The following TCF7L2 variants were observed in gnomAD, a reference collection of about 807,000 sequenced individuals.
TCF7L2 encodes the protein transcription factor 7 like 2.
TCF7L2 carries 23 observed loss-of-function variants against 77.9 expected under a neutral mutation model. The ratio of observed to expected loss-of-function variants is 0.30; its 90% confidence interval spans 0.21 to 0.42. The LOEUF is 0.42. Ranked by LOEUF, TCF7L2 falls within the 10% of genes least tolerant of loss-of-function variation. The pLI, the probability that TCF7L2 is intolerant of heterozygous loss-of-function variation, is 1.00. For synonymous variants in TCF7L2, 413 were observed against 340.2 expected, an observed-to-expected ratio of 1.21 and a Z score of -2.36; for missense variants, 654 against 793.1, an observed-to-expected ratio of 0.82 and a Z score of 2.11.
At chr10:113,064,187 G>A (rs368719249) in intron 5 of TCF7L2, among the ~76,000 whole-genome samples, 12 of 152,268 alleles carry the variant, frequency 7.9e-5, no homozygotes, top group African/African-American at 2.9e-4. Flanking sequence ...CTTGCTTGAG[G>A]TGTTTATTCT....
chr10:113,089,884 T>G (rs2060194919), intron 5 of TCF7L2, among the ~76,000 whole-genome samples: 1 of 152,144 alleles, frequency 6.6e-6, no homozygotes, highest in South Asian at 2.1e-4. Flanking sequence ...CCAGGAAGTG[T>G]CTCTTGGGAC....
intron 4 of TCF7L2, among the ~76,000 whole-genome samples, chr10:112,993,832 G>A (rs1056624694): frequency 2.6e-5 from 4 of 152,068 alleles, no homozygotes; most frequent in Non-Finnish European, 4.4e-5. Flanking sequence ...CAAGGCGGGC[G>A]GATCTTGAGG....
intron 5 of TCF7L2, among the ~76,000 whole-genome samples, chr10:113,095,283 G>A (rs891894365): frequency 2.6e-5 from 4 of 152,086 alleles, no homozygotes; most frequent in Non-Finnish European, 5.9e-5. Context: ...GTATAGCCCC[G>A]GATTGTTCTG....
rs751145838 is a variant in TCF7L2 at position 113,112,215 on chromosome 10, T to C, written c.553-28969T>C. Among the ~76,000 whole-genome samples the C allele has an allele frequency of 5.8e-4, 89 of 152,236 alleles. 1 individual carries two copies. The highest frequency in any genetic ancestry group is 4.3e-3 in the Admixed American group (65 of 15,282). ...ATGACATAATTCAATTTTACTTTAT[T>C]ATTCACTGGATGTGCCCATTGTATG... On this transcript the variant is annotated intron_variant, in intron 5 of 13. Coordinates refer to ENST00000627217, the MANE Select transcript of TCF7L2 (RefSeq NM_001146274.2).
chr10:113,141,072 A>T (rs913559650), intron 5 of TCF7L2, 112 bp from the exon 6 acceptor site: 1 of 1,387,904 alleles, frequency 7.2e-7, no homozygotes, highest in South Asian at 1.3e-5. Context: ...AGTGCATCTT[A>T]GAAAATCCAG....
intron 5 of TCF7L2, among the ~76,000 whole-genome samples, chr10:113,117,611 AT>A (rs2064032031): frequency 1.3e-5 from 2 of 152,256 alleles, no homozygotes; most frequent in Non-Finnish European, 2.9e-5. Context: ...AAAGAATGAT[AT>A]AATTTGTCAT....
intron 4 of TCF7L2, 46 bp from the exon 5 acceptor site, chr10:113,039,979 T>G (rs1181364564): frequency 1.9e-6 from 3 of 1,565,038 alleles, no homozygotes; most frequent in Non-Finnish European, 2.6e-6. Flanking sequence ...TGCATTTACT[T>G]TCTGAATTCA....
chr10:113,069,464 A>C (rs1236869202), intron 5 of TCF7L2, among the ~76,000 whole-genome samples: 6 of 152,020 alleles, frequency 3.9e-5, no homozygotes, highest in African/African-American at 1.4e-4. Flanking sequence ...TCCTGACCTC[A>C]AGTGATCCGC....
At chr10:113,059,883 C>A (rs989594875) in intron 5 of TCF7L2, among the ~76,000 whole-genome samples, 1 of 152,136 alleles carries the variant, frequency 6.6e-6, no homozygotes, top group Non-Finnish European at 1.5e-5. Context: ...CCATTCACTT[C>A]CATATTTCTG....
intron 13 of TCF7L2, among the ~76,000 whole-genome samples, chr10:113,161,013 T>C (rs935791769): frequency 6.6e-6 from 1 of 152,216 alleles, no homozygotes; most frequent in African/African-American, 2.4e-5. Flanking sequence ...TATGAATGCC[T>C]TGGTGGCCCG....
intron 4 of TCF7L2, among the ~76,000 whole-genome samples, chr10:112,991,035 C>A (rs1448338377): frequency 6.6e-6 from 1 of 152,156 alleles, no homozygotes. Context: ...TGGGAACTCT[C>A]AGCCTCTGGA....
At chr10:112,987,554 C>T (rs886548277) in intron 4 of TCF7L2, 2 of 151,862 alleles carry the variant, frequency 1.3e-5, no homozygotes, top group Non-Finnish European at 2.9e-5. Context: ...ACACCAGGTT[C>T]TTCTCAGGTG....
At chr10:112,951,055 G>A in intron 1 of TCF7L2, 110 bp downstream of exon 1, 1 of 1,403,984 alleles carries the variant, frequency 7.1e-7, no homozygotes, top group Non-Finnish European at 9.6e-7. Flanking sequence ...GGCCCGGCGG[G>A]CGGCGTGTGC....
In TCF7L2 at chr10:113,076,782, C is replaced by T. The variant is rs141793344; in HGVS notation, c.552+36656C>T. Among the ~76,000 whole-genome samples, 223 of 152,260 alleles carry T rather than the reference C, an allele frequency of 1.5e-3. 3 individuals carry two copies. The highest frequency in any genetic ancestry group is 5.1e-3 in the African/African-American group (212 of 41,540). On this transcript the variant is annotated intron_variant, in intron 5 of 13. Transcript: ENST00000627217. Reference sequence around the variant, plus strand: ...TTGGGAAAATCCATAGCAAGCTGTGCCATTAGTTGCCTTTGGGAGCACAGG... The same window carrying T: ...TTGGGAAAATCCATAGCAAGCTGTGTCATTAGTTGCCTTTGGGAGCACAGG...
intron 5 of TCF7L2, among the ~76,000 whole-genome samples, chr10:113,068,080 C>T (rs1240893489): frequency 6.6e-6 from 1 of 152,096 alleles, no homozygotes; most frequent in Non-Finnish European, 1.5e-5. Flanking sequence ...CTTTTCAAAA[C>T]AGTGTTGTTT....
chr10:112,961,446 G>C (rs1474359632), intron 3 of TCF7L2, among the ~76,000 whole-genome samples: 3 of 152,182 alleles, frequency 2.0e-5, no homozygotes, highest in African/African-American at 4.8e-5. Context: ...CTTCTGGAGA[G>C]AGAAATGATT....
intron 5 of TCF7L2, among the ~76,000 whole-genome samples, chr10:113,104,405 C>T (rs776263003): frequency 1.6e-4 from 25 of 152,262 alleles, no homozygotes; most frequent in South Asian, 8.3e-4. Flanking sequence ...CCTTGTGGAG[C>T]AGTGCCTGAA....
At chr10:112,977,078 A>C (rs2135092756) in intron 4 of TCF7L2, among the ~76,000 whole-genome samples, 1 of 152,242 alleles carries the variant, frequency 6.6e-6, no homozygotes, top group South Asian at 2.1e-4. Context: ...ACTTCAAAAC[A>C]AATTTTAAAC....
rs34181424 is a variant in TCF7L2, at chr10:113,070,269, T to TTATATATATATATATATA, written c.552+30147_552+30164dup. On this transcript the variant is annotated intron_variant, in intron 5 of 13. Transcript: ENST00000627217. ...GACTCCGTCTTAAAAAAAAAAAAATTTATATATATATATATATATATGAAT... is the reference window on the plus strand; with the variant it reads ...GACTCCGTCTTAAAAAAAAAAAAATTTATATATATATATATATATATATATATATATATATATATGAAT... Among the ~76,000 whole-genome samples the TTATATATATATATATATA allele has an allele frequency of 1.4e-3, 169 of 124,062 alleles. 1 individual carries two copies. Among genetic ancestry groups the TTATATATATATATATATA allele is most frequent in the African/African-American group, 4.9e-3 (158 of 32,458 alleles). 81.4% of individuals were successfully genotyped at this position (124,062 alleles called of 152,430 possible). A position where few individuals can be genotyped will look rare whatever the true frequency, so the allele number is the denominator to read the frequency against.
Sources: allele counts gnomAD v4.1 joint callset (sites outside exome capture counted in the v4.1 genomes callset), GRCh38; gene constraint gnomAD v4.1.1; transcripts MANE v1.5; gene names NCBI Gene and HGNC (gene_info 2026-07-23, HGNC 2026-07-21).